Variants in ABHD12B observed in about 807,000 individuals in gnomAD.
ABHD12B encodes the protein protein ABHD12B.
ABHD12B carries 42 observed loss-of-function variants against 50.4 expected under a neutral mutation model. The observed-to-expected ratio is 0.83, with a 90% CI of 0.65 to 1.08. The LOEUF is 1.08. ABHD12B is among the 50% of genes least tolerant of loss of function. ABHD12B has a pLI of 0.00. For synonymous variants in ABHD12B, 167 were observed against 160.3 expected, an observed-to-expected ratio of 1.04 and a Z score of -0.32; for missense variants, 479 against 447.7, an observed-to-expected ratio of 1.07 and a Z score of -0.63.
At chr14:50,897,358 G>A (rs1419770225) in intron 9 of ABHD12B, among the ~76,000 whole-genome samples, 2 of 152,214 alleles carry the variant, frequency 1.3e-5, no homozygotes, top group Admixed American at 6.5e-5. Context: ...ACAGGCATGA[G>A]CCACCATTCC....
intron 5 of ABHD12B, among the ~76,000 whole-genome samples, chr14:50,882,369 T>C (rs766587394): frequency 3.9e-4 from 44 of 112,682 alleles, no homozygotes; most frequent in Non-Finnish European, 6.6e-4. Flanking sequence ...ACACAGAATG[T>C]CTGCTTTTTT....
At chr14:50,885,551 G>A (rs1330939653) in intron 5 of ABHD12B, 63 bp from the exon 6 acceptor site, 6 of 1,586,804 alleles carry the variant, frequency 3.8e-6, no homozygotes, top group East Asian at 2.2e-5. Flanking sequence ...TGGATATAGG[G>A]AGGAGAAGCC....
intron 9 of ABHD12B, among the ~76,000 whole-genome samples, chr14:50,899,962 G>A (rs1015103254): frequency 6.6e-6 from 1 of 151,880 alleles, no homozygotes; most frequent in East Asian, 1.9e-4. Flanking sequence ...TCTGGGCCAG[G>A]CACTGTGGCT....
At chr14:50,902,217 G>A (rs1000097306) in intron 10 of ABHD12B, among the ~76,000 whole-genome samples, 1 of 152,084 alleles carries the variant, frequency 6.6e-6, no homozygotes, top group African/African-American at 2.4e-5. Context: ...TAGTGTTAGC[G>A]TATGCCTATA....
At chr14:50,900,486 G>T (rs1369119332) in intron 9 of ABHD12B, among the ~76,000 whole-genome samples, 3 of 152,188 alleles carry the variant, frequency 2.0e-5, no homozygotes, top group Non-Finnish European at 4.4e-5. Context: ...GAAACAGATA[G>T]AAGATAAATA....
At chr14:50,881,493 G>A in intron 4 of ABHD12B, 103 bp from the exon 5 acceptor site, 19 of 1,221,748 alleles carry the variant, frequency 1.6e-5, no homozygotes, top group Non-Finnish European at 2.2e-5. Flanking sequence ...AAAGAGAAAG[G>A]CGTGAGATCA....
Position 50,872,078 on chromosome 14 carries a change from A to T in ABHD12B, c.-97A>T. Reference sequence around the variant, plus strand: ...AGCCTGCCTGACCGCGCGGAGGAGGAGGGCGGGCGCGGTGCCGCCGGGGCG... The same window carrying T: ...AGCCTGCCTGACCGCGCGGAGGAGGTGGGCGGGCGCGGTGCCGCCGGGGCG... On this transcript the variant is annotated 5_prime_UTR_variant, in exon 1 of 13. Coordinates refer to ENST00000337334, the MANE Select transcript of ABHD12B (RefSeq NM_001206673.2). The T allele has an allele frequency of 1.1e-6, 1 of 911,064 alleles. No individual in the cohort carries two copies. Among genetic ancestry groups the T allele is most frequent in the Non-Finnish European group, 1.4e-6 (1 of 708,054 alleles). The allele number at this position is 911,064 out of a possible 1,614,324, so 56.4% of individuals were successfully genotyped here.
chr14:50,878,090 A>C lies in ABHD12B; in HGVS notation c.232+11A>C, dbSNP rs1595999942. The C allele has an allele frequency of 6.6e-7, 1 of 1,508,534 alleles. No individual in the cohort carries two copies. Among genetic ancestry groups the C allele is most frequent in the Non-Finnish European group, 8.8e-7 (1 of 1,135,152 alleles). The allele number at this position is 1,508,534 out of a possible 1,614,324, so 93.4% of individuals were successfully genotyped here. A position where few individuals can be genotyped will look rare whatever the true frequency, so the allele number is the denominator to read the frequency against. Reference sequence around the variant, plus strand: ...TTTATTTTAATTTTTGTAAGTATGGACCTTCCATAAATTTTCCTATATAAT... The same window carrying C: ...TTTATTTTAATTTTTGTAAGTATGGCCCTTCCATAAATTTTCCTATATAAT... On this transcript the variant is annotated intron_variant, in intron 2 of 12. Transcript: ENST00000337334.
chr14:50,884,166 A>G (rs1020868937), intron 5 of ABHD12B, among the ~76,000 whole-genome samples: 1 of 152,264 alleles, frequency 6.6e-6, no homozygotes, highest in Non-Finnish European at 1.5e-5. Flanking sequence ...ATATTGTTTC[A>G]GAAAACTATA....
chr14:50,879,905 A>G (rs929726606), intron 3 of ABHD12B, among the ~76,000 whole-genome samples: 2 of 152,196 alleles, frequency 1.3e-5, no homozygotes, highest in Non-Finnish European at 2.9e-5. Context: ...GTGACATGTC[A>G]TATGGCAGTG....
In ABHD12B at chr14:50,872,207, G is replaced by T. The variant is rs558889748; in HGVS notation, c.33G>T (p.Ser11=). MDAQDCQAAA[S]PEPPGPPARS... is the part of the protein sequence containing the mutation. Reference sequence around the variant, plus strand: ...CGCAGGACTGCCAGGCGGCCGCATCGCCCGAGCCGCCCGGGCCCCCAGCCC... The same window carrying T: ...CGCAGGACTGCCAGGCGGCCGCATCTCCCGAGCCGCCCGGGCCCCCAGCCC... Residue 11 remains serine (S), a synonymous_variant, in exon 1 of 13, where the codon TCG becomes TCT. Transcript: ENST00000337334. 1.5e-6 allele frequency: 2 copies of T among 1,374,554 alleles called. No homozygotes were observed. The highest frequency in any genetic ancestry group is 3.1e-5 in the East Asian group (1 of 32,096). 85.1% of individuals were successfully genotyped at this position (1,374,554 alleles called of 1,614,324 possible). A position where few individuals can be genotyped will look rare whatever the true frequency, so the allele number is the denominator to read the frequency against.
intron 1 of ABHD12B, among the ~76,000 whole-genome samples, chr14:50,876,233 C>T (rs192477444): frequency 3.0e-4 from 46 of 152,252 alleles, no homozygotes; most frequent in African/African-American, 1.0e-3. Context: ...AGGCAATTGC[C>T]AGCGTATGAT....
chr14:50,875,989 G>A (rs2049858464), intron 1 of ABHD12B, among the ~76,000 whole-genome samples: 1 of 152,146 alleles, frequency 6.6e-6, no homozygotes, highest in South Asian at 2.1e-4. Flanking sequence ...TTAGAAGGAA[G>A]CCAGCAGGAG....
chr14:50,891,856 G>C (rs1471793823), intron 9 of ABHD12B: 1 of 152,098 alleles, frequency 6.6e-6, no homozygotes, highest in Non-Finnish European at 1.5e-5. Context: ...AGAGAGGTCT[G>C]GTGGTAGGTT....
chr14:50,888,702 C>A (rs1374766138), intron 8 of ABHD12B, 122 bp from the exon 9 acceptor site: 10 of 774,788 alleles, frequency 1.3e-5, no homozygotes, highest in Non-Finnish European at 1.9e-5. Context: ...TTATTAATAA[C>A]CTTCACAAAT....
intron 5 of ABHD12B, among the ~76,000 whole-genome samples, chr14:50,882,039 G>A (rs886355899): frequency 6.6e-6 from 1 of 151,636 alleles, no homozygotes; most frequent in South Asian, 2.1e-4. Flanking sequence ...AGGCTCAAGC[G>A]ATTCTCCTGC....
chr14:50,893,980 C>A (rs1417588755), intron 9 of ABHD12B, among the ~76,000 whole-genome samples: 1 of 152,268 alleles, frequency 6.6e-6, no homozygotes, highest in African/African-American at 2.4e-5. Flanking sequence ...TTAATCATTG[C>A]AGGGACACCT....
chr14:50,872,151 C>G lies in ABHD12B; in HGVS notation c.-24C>G. On this transcript the variant is annotated 5_prime_UTR_variant, in exon 1 of 13. Transcript: ENST00000337334. The stretch of plus-strand genomic sequence containing the variant: ...CGGACTGCAGCTCCCGCGGCGGTGG[C>G]GGCGTATCGGGACACGGCGCGGGAT... 1 of 1,275,022 alleles carries G rather than the reference C, an allele frequency of 7.8e-7. No homozygotes were observed. The allele number at this position is 1,275,022 out of a possible 1,614,324, so 79.0% of individuals were successfully genotyped here. A position where few individuals can be genotyped will look rare whatever the true frequency, so the allele number is the denominator to read the frequency against.
At chr14:50,900,988 G>A (rs2050254912) in intron 9 of ABHD12B, among the ~76,000 whole-genome samples, 1 of 152,192 alleles carries the variant, frequency 6.6e-6, no homozygotes, top group Admixed American at 6.5e-5. Flanking sequence ...GCAGAATCGG[G>A]GAGCCACTTG....
Sources: gnomAD v4.1 joint callset for allele counts (sites outside exome capture counted in the v4.1 genomes callset) on GRCh38, gnomAD v4.1.1 for gene constraint, MANE v1.5 for transcripts, NCBI Gene and HGNC (gene_info 2026-07-23, HGNC 2026-07-21) for gene names.